Variants in CHCHD6 observed in about 807,000 individuals in gnomAD.
CHCHD6 encodes coiled-coil-helix-coiled-coil-helix domain containing 6, also known as MICOS complex subunit MIC25.
A neutral mutation model predicts 32.3 loss-of-function variants in CHCHD6; 28 were observed. That is an observed-to-expected ratio of 0.87 (90% CI 0.64 to 1.19). The LOEUF is 1.19. Ranked by LOEUF, CHCHD6 falls within the 50% of genes most tolerant of loss-of-function variation. The probability of loss-of-function intolerance (pLI) is 0.00; values close to 1 mark genes in which losing one functional copy is unlikely to be tolerated. For missense variants in CHCHD6, 333 were observed against 307.0 expected (o/e 1.08, Z -0.63); for synonymous variants, 122 against 117.5 (o/e 1.04, Z -0.25).
At chr3:126,828,364 C>T (rs1219087121) in intron 4 of CHCHD6, among the ~76,000 whole-genome samples, 1 of 152,174 alleles carries the variant, frequency 6.6e-6, no homozygotes, top group Non-Finnish European at 1.5e-5. Flanking sequence ...TGTTTTTTGT[C>T]CTGACTGGGG....
chr3:126,842,745 C>T (rs1055028521), intron 4 of CHCHD6, among the ~76,000 whole-genome samples: 2 of 150,822 alleles, frequency 1.3e-5, no homozygotes, highest in African/African-American at 4.9e-5. Flanking sequence ...TCTTAGCCCA[C>T]AAATTATTTA....
At chr3:126,925,347 GA>G (rs1205232818) in intron 6 of CHCHD6, among the ~76,000 whole-genome samples, 10 of 152,338 alleles carry the variant, frequency 6.6e-5, no homozygotes, top group African/African-American at 2.4e-4. Flanking sequence ...ATTCCTCTGA[GA>G]AGGAAACATT....
intron 6 of CHCHD6, among the ~76,000 whole-genome samples, chr3:126,924,420 C>A (rs2078295237): frequency 6.6e-6 from 1 of 152,230 alleles, no homozygotes; most frequent in Non-Finnish European, 1.5e-5. Context: ...CACACACTCT[C>A]ACGTATAGCT....
intron 5 of CHCHD6, among the ~76,000 whole-genome samples, chr3:126,884,218 G>A (rs1270755233): frequency 6.6e-6 from 1 of 152,116 alleles, no homozygotes; most frequent in Non-Finnish European, 1.5e-5. Flanking sequence ...AAAGCACTTG[G>A]GGATGGCATA....
chr3:126,752,822 A>G (rs1936782811), intron 4 of CHCHD6, among the ~76,000 whole-genome samples: 1 of 152,194 alleles, frequency 6.6e-6, no homozygotes, highest in Non-Finnish European at 1.5e-5. Context: ...GCTTGGATCC[A>G]GAAAAATGTA....
At chr3:126,836,730 G>A (rs1940877859) in intron 4 of CHCHD6, among the ~76,000 whole-genome samples, 1 of 152,216 alleles carries the variant, frequency 6.6e-6, no homozygotes, top group South Asian at 2.1e-4. Flanking sequence ...GCAGGGATAC[G>A]GAGGTGCTGG....
intron 6 of CHCHD6, 68 bp downstream of exon 6, chr3:126,914,818 A>C: frequency 2.3e-6 from 2 of 868,864 alleles, no homozygotes; most frequent in East Asian, 4.9e-5. Flanking sequence ...ATGTGGCTTG[A>C]AACCTGCCAC....
At chr3:126,926,393 G>T (rs2078325358) in intron 6 of CHCHD6, among the ~76,000 whole-genome samples, 1 of 152,188 alleles carries the variant, frequency 6.6e-6, no homozygotes, top group African/African-American at 2.4e-5. Context: ...ATGACAGATG[G>T]TGAGTGCCGC....
At chr3:126,766,875 G>C in intron 4 of CHCHD6, 1 of 968,048 alleles carries the variant, frequency 1.0e-6, no homozygotes, top group Non-Finnish European at 1.7e-6. Context: ...GCTTCACCAG[G>C]TGGGGGACCA....
chr3:126,935,050 T>C (rs2078459244), intron 6 of CHCHD6: 1 of 779,852 alleles, frequency 1.3e-6, no homozygotes, highest in Admixed American at 6.2e-5. Context: ...CTAATCAGAG[T>C]TGGGAATCGT....
At chr3:126,792,015 G>A (rs1321897805) in intron 4 of CHCHD6, among the ~76,000 whole-genome samples, 2 of 151,984 alleles carry the variant, frequency 1.3e-5, no homozygotes, top group Admixed American at 6.6e-5. Context: ...TAACGTTTTC[G>A]GGGTTCGTCC....
chr3:126,855,650 G>A (rs997506302), intron 5 of CHCHD6, among the ~76,000 whole-genome samples: 5 of 152,178 alleles, frequency 3.3e-5, no homozygotes, highest in African/African-American at 9.7e-5. Context: ...TTCTCTGATG[G>A]TCTTGCAGTA....
At chr3:126,947,067 C>T (rs1306488285) in intron 6 of CHCHD6, among the ~76,000 whole-genome samples, 1 of 152,260 alleles carries the variant, frequency 6.6e-6, no homozygotes, top group African/African-American at 2.4e-5. Context: ...AAAGAGAGAA[C>T]AGGGCCTGGC....
chr3:126,917,678 G>A (rs1374374186), intron 6 of CHCHD6, among the ~76,000 whole-genome samples: 5 of 152,216 alleles, frequency 3.3e-5, no homozygotes, highest in African/African-American at 1.2e-4. Flanking sequence ...CACATATGTT[G>A]AAATCTCACT....
intron 5 of CHCHD6, among the ~76,000 whole-genome samples, chr3:126,898,409 G>A (rs779014529): frequency 6.6e-6 from 1 of 152,220 alleles, no homozygotes; most frequent in South Asian, 2.1e-4. Flanking sequence ...CTGGGGCACC[G>A]AGGAGACATG....
At chr3:126,755,701 A>G (rs898920568) in intron 4 of CHCHD6, among the ~76,000 whole-genome samples, 8 of 152,330 alleles carry the variant, frequency 5.3e-5, no homozygotes, top group Non-Finnish European at 8.8e-5. Flanking sequence ...CCTTTTATTC[A>G]TAAACTCAAT....
chr3:126,833,617 G>C (rs933064074), intron 4 of CHCHD6, among the ~76,000 whole-genome samples: 1 of 152,166 alleles, frequency 6.6e-6, no homozygotes, highest in Admixed American at 6.5e-5. Flanking sequence ...GCCATCTTGA[G>C]TTCAGGGCCC....
At chr3:126,813,493 G>A (rs192167609) in intron 4 of CHCHD6, among the ~76,000 whole-genome samples, 12 of 152,350 alleles carry the variant, frequency 7.9e-5, no homozygotes, top group Admixed American at 6.5e-5. Flanking sequence ...AGAAAGAAAT[G>A]TATAATTCTG....
At chr3:126,782,605 G>A (rs1937998144) in intron 4 of CHCHD6, among the ~76,000 whole-genome samples, 1 of 152,234 alleles carries the variant, frequency 6.6e-6, no homozygotes, top group Non-Finnish European at 1.5e-5. Context: ...GGCCTTAGAA[G>A]AAGAGAGCTA....
Sources: gnomAD v4.1 joint callset for allele counts (sites outside exome capture counted in the v4.1 genomes callset) on GRCh38, gnomAD v4.1.1 for gene constraint, MANE v1.5 for transcripts, NCBI Gene and HGNC (gene_info 2026-07-23, HGNC 2026-07-21) for gene names.